CEP112: variants seen among roughly 807,000 people sequenced by gnomAD.
CEP112 encodes centrosomal protein of 112 kDa.
In CEP112, 127 loss-of-function variants were observed where a neutral mutation model predicts 153.0. That is an observed-to-expected ratio of 0.83 (90% CI 0.72 to 0.96). The LOEUF is 0.96. CEP112 is among the 40% of genes least tolerant of loss of function. CEP112 has a pLI of 0.00. For synonymous variants in CEP112, 358 were observed against 374.4 expected (o/e 0.96, Z 0.51); for missense variants, 1,089 against 1,101.2 (o/e 0.99, Z 0.16).
intron 18 of CEP112, among the ~76,000 whole-genome samples, chr17:65,959,494 A>AT (rs1160912971): frequency 6.6e-6 from 1 of 152,230 alleles, no homozygotes; most frequent in African/African-American, 2.4e-5. Flanking sequence ...AACAGGGCTG[A>AT]AACATGCTCC....
intron 23 of CEP112, among the ~76,000 whole-genome samples, chr17:65,736,683 G>A (rs902379501): frequency 1.3e-5 from 2 of 152,148 alleles, no homozygotes; most frequent in African/African-American, 4.8e-5. Flanking sequence ...GTTTTTAGAG[G>A]CTAGTCATGT....
At chr17:65,963,900 T>C (rs1209225068) in intron 17 of CEP112, among the ~76,000 whole-genome samples, 1 of 152,254 alleles carries the variant, frequency 6.6e-6, no homozygotes, top group African/African-American at 2.4e-5. Flanking sequence ...AATCCCATGA[T>C]AAACAAAACA....
At chr17:66,074,876 A>G (rs1180954177) in intron 8 of CEP112, among the ~76,000 whole-genome samples, 12 of 151,098 alleles carry the variant, frequency 7.9e-5, no homozygotes, top group Admixed American at 3.9e-4. Context: ...AAAAAAAGAA[A>G]AAAAAAAAAA....
chr17:65,737,117 C>G (rs1241544346), intron 23 of CEP112, among the ~76,000 whole-genome samples: 3 of 152,096 alleles, frequency 2.0e-5, no homozygotes, highest in Non-Finnish European at 2.9e-5. Context: ...ATAGACTTCT[C>G]AAGATTAGAT....
At chr17:65,759,849 G>C (rs528705923) in intron 21 of CEP112, among the ~76,000 whole-genome samples, 1 of 152,012 alleles carries the variant, frequency 6.6e-6, no homozygotes, top group South Asian at 2.1e-4. Context: ...TTCTTGACAC[G>C]CAATGGCATT....
Position 66,191,644 on chromosome 17 carries a change from A to C in CEP112, c.-9+353T>G. 6.5e-6 allele frequency: 1 copy of C among 153,348 alleles called. No individual in the cohort carries two copies. The highest frequency in any genetic ancestry group is 1.5e-5 in the Non-Finnish European group (1 of 68,520). 9.5% of individuals were successfully genotyped at this position (153,348 alleles called of 1,614,324 possible). ...CCTCGGCCCGCCGAGGCCCAGGCCC[A>C]GGCCGCGCTCCTACCTTGTCCAGGA... On this transcript the variant is annotated intron_variant, in intron 1 of 26. Transcript: ENST00000535342. The surrounding 1 kb of genome is among the most constrained non-coding windows in gnomAD (Gnocchi z 4.2).
At chr17:66,122,291 C>T (rs1456016337) in intron 6 of CEP112, among the ~76,000 whole-genome samples, 1 of 152,090 alleles carries the variant, frequency 6.6e-6, no homozygotes. Flanking sequence ...TAAATCTGGT[C>T]TCACAGGCCA....
intron 23 of CEP112, among the ~76,000 whole-genome samples, chr17:65,700,123 CTTCTCTCTCACTTGCGGA>C (rs2048554227): frequency 6.6e-6 from 1 of 152,028 alleles, no homozygotes; most frequent in Non-Finnish European, 1.5e-5. Context: ...TCCTCCTCCT[CTTCTCTCTCACTTGCGGA>C]TATTTCCCTA....
Position 65,965,513 on chromosome 17 carries a change from G to GCC in CEP112, c.1737-3917_1737-3916dup, listed in dbSNP as rs11393272. 1.9e-3 allele frequency among the ~76,000 whole-genome samples: 210 copies of GCC among 109,128 alleles called. 1 individual carries two copies. The highest frequency in any genetic ancestry group is 0.018 in the East Asian group (21 of 1,170). The allele number at this position is 109,128 out of a possible 152,430, so 71.6% of individuals were successfully genotyped here. On this transcript the variant is annotated intron_variant, in intron 17 of 26. Transcript: ENST00000535342. ...CTCCACTAATATTTAGAAACCTTCT[G>GCC]CCCCCTTTTTTTTTTTTTTTTTTCT... is the stretch of plus-strand genomic sequence containing the variant.
At chr17:66,054,555 C>T (rs532930296) in intron 11 of CEP112, among the ~76,000 whole-genome samples, 35 of 152,128 alleles carry the variant, frequency 2.3e-4, no homozygotes, top group Non-Finnish European at 5.0e-4. Flanking sequence ...AAGGCAAATA[C>T]AGGAGGTCCA....
chr17:66,030,397 A>T (rs1451266767), intron 12 of CEP112, among the ~76,000 whole-genome samples: 1 of 152,178 alleles, frequency 6.6e-6, no homozygotes, highest in African/African-American at 2.4e-5. Flanking sequence ...CTTACCAGTG[A>T]TCTTTGCGTT....
At chr17:65,776,395 C>T (rs2053680138) in intron 21 of CEP112, among the ~76,000 whole-genome samples, 1 of 152,178 alleles carries the variant, frequency 6.6e-6, no homozygotes, top group Admixed American at 6.5e-5. Context: ...CCACCACGCT[C>T]AGCTAATTTT....
chr17:65,660,780 T>G (rs2046351830), intron 24 of CEP112, among the ~76,000 whole-genome samples: 2 of 152,076 alleles, frequency 1.3e-5, no homozygotes, highest in African/African-American at 2.4e-5. Flanking sequence ...GCAATCTACC[T>G]GCTTGAGGTG....
chr17:66,085,035 TCA>T (rs552984413), intron 8 of CEP112, among the ~76,000 whole-genome samples: 273 of 152,168 alleles, frequency 1.8e-3, no homozygotes, highest in African/African-American at 6.1e-3. Flanking sequence ...CAAAAGATAT[TCA>T]CAGAGAAAAA....
At chr17:66,001,787 G>C (rs377589296) in intron 17 of CEP112, among the ~76,000 whole-genome samples, 1 of 151,994 alleles carries the variant, frequency 6.6e-6, no homozygotes, top group Non-Finnish European at 1.5e-5. Context: ...TAACTCCTCC[G>C]AAAATACTAT....
chr17:65,661,089 G>A (rs1481196249), intron 24 of CEP112, among the ~76,000 whole-genome samples: 1 of 152,134 alleles, frequency 6.6e-6, no homozygotes, highest in East Asian at 1.9e-4. Context: ...CCAGGACCTT[G>A]TGCTCCAGTA....
intron 18 of CEP112, among the ~76,000 whole-genome samples, chr17:65,933,058 A>G (rs1428195132): frequency 6.6e-6 from 1 of 152,248 alleles, no homozygotes; most frequent in African/African-American, 2.4e-5. Context: ...AATTTTATTA[A>G]AAGCTTGAAC....
At chr17:65,685,542 G>A (rs1341731544) in intron 24 of CEP112, among the ~76,000 whole-genome samples, 3 of 151,936 alleles carry the variant, frequency 2.0e-5, no homozygotes, top group Non-Finnish European at 4.4e-5. Flanking sequence ...GCTAGCTACT[G>A]TTATTGAAGT....
chr17:66,085,683 A>C (rs1438159609), intron 8 of CEP112, among the ~76,000 whole-genome samples: 2 of 152,212 alleles, frequency 1.3e-5, no homozygotes, highest in Non-Finnish European at 2.9e-5. Context: ...TGTCAGTCAA[A>C]AAGCAATGAA....
Sources: allele counts gnomAD v4.1 joint callset (sites outside exome capture counted in the v4.1 genomes callset), GRCh38; gene constraint gnomAD v4.1.1; non-coding constraint Gnocchi (gnomAD v3.1); transcripts MANE v1.5; gene names NCBI Gene and HGNC (gene_info 2026-07-23, HGNC 2026-07-21).